The following TMEM94 variants were observed in gnomAD, a reference collection of about 807,000 sequenced individuals.
The protein encoded by TMEM94 is transmembrane protein 94, also known as ER Mg2+ ATPase.
TMEM94 carries 81 observed loss-of-function variants against 158.6 expected under a neutral mutation model. The ratio of observed to expected loss-of-function variants is 0.51; its 90% CI spans 0.43 to 0.61. The LOEUF is 0.61. TMEM94 is among the 20% of genes least tolerant of loss of function. The pLI, the probability that TMEM94 is intolerant of heterozygous loss-of-function variation, is 0.00. For synonymous variants in TMEM94, 751 were observed against 730.7 expected, an observed-to-expected ratio of 1.03 and a Z score of -0.45; for missense variants, 1,435 against 1,762.0, an observed-to-expected ratio of 0.81 and a Z score of 3.32.
intron 2 of TMEM94, 156 bp downstream of exon 2, chr17:75,472,085 T>C: frequency 1.5e-6 from 1 of 671,102 alleles, no homozygotes; most frequent in Non-Finnish European, 2.6e-6. Flanking sequence ...GACTGTGACC[T>C]CTTGGCTGGA....
At chr17:75,499,236 T>C in intron 31 of TMEM94, 26 bp from the exon 32 acceptor site, 2 of 1,613,100 alleles carry the variant, frequency 1.2e-6, no homozygotes, top group East Asian at 2.2e-5. Context: ...TTTGCCAACC[T>C]GTACTTTAAT....
rs142773343 is a variant in TMEM94 at position 75,464,672 on chromosome 17, C to T, written c.-106-7128C>T. On this transcript the variant is annotated intron_variant, in intron 1 of 31. Transcript: ENST00000314256. ...CCTTCCTTCCTTCCTTCCTTCCTTCCTTCCTTCTTTCTTTCTTTCTTTCTT... is the reference window on the plus strand; with the variant it reads ...CCTTCCTTCCTTCCTTCCTTCCTTCTTTCCTTCTTTCTTTCTTTCTTTCTT... 5.2e-3 allele frequency among the ~76,000 whole-genome samples: 448 copies of T among 86,262 alleles called. 6 individuals are homozygous for T. The highest frequency in any genetic ancestry group is 0.02 in the African/African-American group (340 of 17,272). The allele number at this position is 86,262 out of a possible 152,430, so 56.6% of individuals were successfully genotyped here.
At chr17:75,496,124 G>A (rs567478725) in intron 23 of TMEM94, 50 bp downstream of exon 23, 117 of 1,538,858 alleles carry the variant, frequency 7.6e-5, no homozygotes, top group South Asian at 1.7e-4. Flanking sequence ...CTCCCAGACC[G>A]GAGGATCAGA....
chr17:75,496,911 A>G, intron 25 of TMEM94, 104 bp downstream of exon 25: 1 of 1,307,436 alleles, frequency 7.6e-7, no homozygotes, highest in Middle Eastern at 2.4e-4. Flanking sequence ...AGTACAGTCA[A>G]GGGGTCCCCC....
chr17:75,478,476 G>T (rs942771169), intron 2 of TMEM94, among the ~76,000 whole-genome samples: 1 of 152,072 alleles, frequency 6.6e-6, no homozygotes, highest in Non-Finnish European at 1.5e-5. Flanking sequence ...GTCGGCTCTC[G>T]AAGGCGCCTT....
chr17:75,490,006 G>C, intron 9 of TMEM94: 1 of 595,618 alleles, frequency 1.7e-6, no homozygotes, highest in Non-Finnish European at 2.9e-6. Flanking sequence ...TTGAACCTGG[G>C]AGGTGGAGGT....
intron 11 of TMEM94, 144 bp from the exon 12 acceptor site, chr17:75,490,905 C>T: frequency 1.3e-5 from 12 of 938,352 alleles, no homozygotes; most frequent in Non-Finnish European, 1.7e-5. Flanking sequence ...GGACCTGTTC[C>T]CATAACGTGT....
Position 75,491,365 on chromosome 17 carries a change from A to T in TMEM94, c.1296A>T (p.Val432=), listed in dbSNP as rs777967411. Residue 432 remains valine, a synonymous_variant, in exon 13 of 32, where the codon GTA becomes GTT. Transcript: ENST00000314256. This position sits in a 1 kb window ranked among gnomAD's most constrained non-coding sequence, Gnocchi z 5.1. The part of the protein sequence containing the change: ...LSWPNPSPET[V]LFFSGKVEPP... ...GGCCAAATCCCAGCCCAGAGACTGT[A>T]CTGTTCTTCAGCGGGAAGGTGGAGC... 19 of 1,614,114 alleles carry T rather than the reference A, an allele frequency of 1.2e-5. No homozygotes were observed. Among genetic ancestry groups the T allele is most frequent in the Non-Finnish European group, 1.6e-5 (19 of 1,180,018 alleles).
In TMEM94 at chr17:75,477,689, G is replaced by A. The variant is rs375162635; in HGVS notation, c.24+5760G>A. On this transcript the variant is annotated intron_variant, in intron 2 of 31. Coordinates refer to ENST00000314256, the MANE Select transcript of TMEM94 (RefSeq NM_014738.6). ...GAGTAGGAAGGAGAGCAGCTGCTGT[G>A]CCCAGAACGTCGTGCAGGAGCTGTG... Among the ~76,000 whole-genome samples, 511 of 152,204 alleles carry A rather than the reference G, an allele frequency of 3.4e-3. 2 individuals carry two copies. The highest frequency in any genetic ancestry group is 0.017 in the South Asian group (84 of 4,824).
intron 1 of TMEM94, among the ~76,000 whole-genome samples, chr17:75,469,300 A>G (rs930884458): frequency 1.3e-5 from 2 of 151,246 alleles, no homozygotes; most frequent in African/African-American, 4.9e-5. Flanking sequence ...TATCCAACTT[A>G]CATATCTAGA....
rs747380294 is a variant in TMEM94, at chr17:75,492,986, G to A, written c.1970G>A (p.Arg657His). 6.8e-6 allele frequency: 11 copies of A among 1,613,622 alleles called. No individual in the cohort carries two copies. The highest frequency in any genetic ancestry group is 6.7e-5 in the East Asian group (3 of 44,886). The change falls in exon 16 of 32, where the codon CGC (arginine) becomes CAC (histidine). Residue 657 changes from arginine to histidine, a missense_variant. This residue lies in a region of TMEM94 where 1,051 missense variants were observed against 1,254.4 expected (regional missense o/e 0.84). Transcript: ENST00000314256. This position sits in a 1 kb window ranked among gnomAD's most constrained non-coding sequence, Gnocchi z 4.4. Reference sequence around the variant, plus strand: ...CAGGAGAACCATCTGGCGCTGTACCGCCTCCCCAGTGCCGAGACAATGAAG... The same window carrying A: ...CAGGAGAACCATCTGGCGCTGTACCACCTCCCCAGTGCCGAGACAATGAAG... Reference protein sequence around the residue: ...FKQENHLALYRLPSAETMKET... With the variant: ...FKQENHLALYHLPSAETMKET...
At chr17:75,486,485 A>T in intron 5 of TMEM94, 59 bp downstream of exon 5, 1 of 1,607,002 alleles carries the variant, frequency 6.2e-7, no homozygotes, top group Non-Finnish European at 8.5e-7. Flanking sequence ...CAGAGCCCTG[A>T]GGGCTCCCCT....
At chr17:75,496,218 AG>A in intron 23 of TMEM94, 63 bp from the exon 24 acceptor site, 1 of 1,604,162 alleles carries the variant, frequency 6.2e-7, no homozygotes, top group Non-Finnish European at 8.5e-7. Flanking sequence ...GTGGGAGAAG[AG>A]GGTGGGGTGC....
chr17:75,464,899 A>C (rs2050249642), intron 1 of TMEM94, among the ~76,000 whole-genome samples: 1 of 151,704 alleles, frequency 6.6e-6, no homozygotes, highest in African/African-American at 2.4e-5. Context: ...GGGTTTCTCC[A>C]TGTTGGTCAG....
At chr17:75,458,976 G>C (rs929187326) in intron 1 of TMEM94, among the ~76,000 whole-genome samples, 3 of 150,358 alleles carry the variant, frequency 2.0e-5, no homozygotes, top group Non-Finnish European at 2.9e-5. Context: ...AGAATGGCGT[G>C]AACCCGGGAG....
At chr17:75,460,324 G>A (rs2050022124) in intron 1 of TMEM94, among the ~76,000 whole-genome samples, 1 of 152,194 alleles carries the variant, frequency 6.6e-6, no homozygotes, top group African/African-American at 2.4e-5. Context: ...GGGGTTCATG[G>A]TACCAGTCTT....
chr17:75,470,394 C>A (rs775120346), intron 1 of TMEM94, among the ~76,000 whole-genome samples: 3 of 151,736 alleles, frequency 2.0e-5, no homozygotes, highest in Non-Finnish European at 2.9e-5. Flanking sequence ...GCAGGTGGAT[C>A]ACTTGAGGTC....
At position 75,485,300 on chromosome 17, in the gene TMEM94, G is replaced by A. The variant is rs1191580031; in HGVS notation, c.25-128G>A. 4 of 1,057,572 alleles carry A rather than the reference G, an allele frequency of 3.8e-6. No homozygotes were observed. Among genetic ancestry groups the A allele is most frequent in the African/African-American group, 1.6e-5 (1 of 63,466 alleles). The allele number at this position is 1,057,572 out of a possible 1,614,324, so 65.5% of individuals were successfully genotyped here. On this transcript the variant is annotated intron_variant, in intron 2 of 31. Transcript: ENST00000314256. The surrounding 1 kb of genome is among the most constrained non-coding windows in gnomAD (Gnocchi z 5.5). ...ACACCTTGAGAGGCCAGAGCTGGTA[G>A]GGGAAGAGATGTGAGGATCCCAGAG...
At position 75,498,854 on chromosome 17, in the gene TMEM94, A is replaced by G; in HGVS notation, c.3828-58A>G. Reference sequence around the variant, plus strand: ...TGCCTGAGCTAACTGTTGTACTGGGAAGAGCAGGGAAGGAAGCAAGCAGTG... The same window carrying G: ...TGCCTGAGCTAACTGTTGTACTGGGGAGAGCAGGGAAGGAAGCAAGCAGTG... On this transcript the variant is annotated intron_variant, in intron 30 of 31. Coordinates refer to ENST00000314256, the MANE Select transcript of TMEM94 (RefSeq NM_014738.6). This position sits in a 1 kb window ranked among gnomAD's most constrained non-coding sequence, Gnocchi z 6.7. 4.6e-6 allele frequency: 7 copies of G among 1,523,178 alleles called. No homozygotes were observed. The South Asian group carries it at 7.7e-5, about 17-fold the overall frequency. 94.4% of individuals were successfully genotyped at this position (1,523,178 alleles called of 1,614,324 possible).
Sources: gnomAD v4.1 joint callset for allele counts (sites outside exome capture counted in the v4.1 genomes callset) on GRCh38, gnomAD v4.1.1 for gene constraint, gnomAD v4.1.1 regional missense constraint, Gnocchi (gnomAD v3.1) non-coding constraint, MANE v1.5 for transcripts, NCBI Gene and HGNC (gene_info 2026-07-23, HGNC 2026-07-21) for gene names.